Variants in CFAP45 observed in about 807,000 individuals in gnomAD.
The protein encoded by CFAP45 is cilia- and flagella-associated protein 45.
Under a neutral mutation model 75.6 loss-of-function variants are expected in CFAP45, and 43 were observed. That is an observed-to-expected ratio of 0.57 (90% CI 0.45 to 0.73). The LOEUF is 0.73. Ranked by LOEUF, CFAP45 falls within the 30% of genes least tolerant of loss-of-function variation. The probability of loss-of-function intolerance (pLI) is 0.00; values close to 1 mark genes in which losing one functional copy is unlikely to be tolerated. For missense variants in CFAP45, 689 were observed against 701.5 expected (o/e 0.98, Z 0.20); for synonymous variants, 223 against 244.6 (o/e 0.91, Z 0.82).
intron 1 of CFAP45, among the ~76,000 whole-genome samples, chr1:159,895,580 A>T (rs1469697512): frequency 6.6e-6 from 1 of 152,258 alleles, no homozygotes; most frequent in Non-Finnish European, 1.5e-5. Flanking sequence ...CACAGCCAGC[A>T]AAAGGCTTAC....
At chr1:159,898,963 G>A (rs890974904) in intron 1 of CFAP45, among the ~76,000 whole-genome samples, 1 of 152,190 alleles carries the variant, frequency 6.6e-6, no homozygotes, top group Non-Finnish European at 1.5e-5. Context: ...CCCCAGAAAA[G>A]CAATGCAGCC....
intron 10 of CFAP45, chr1:159,873,372 G>A: frequency 1.7e-6 from 1 of 596,902 alleles, no homozygotes. Context: ...ACCCAGCCAG[G>A]ACTAGCTCCA....
At chr1:159,873,999 T>C (rs1051562959) in intron 10 of CFAP45, among the ~76,000 whole-genome samples, 12 of 151,998 alleles carry the variant, frequency 7.9e-5, no homozygotes, top group African/African-American at 2.9e-4. Context: ...ATCGCTCAGT[T>C]CTCTTCCTGA....
At chr1:159,873,254 C>T (rs1322595626) in intron 10 of CFAP45, 86 bp from the exon 11 acceptor site, 2 of 1,092,330 alleles carry the variant, frequency 1.8e-6, no homozygotes, top group Non-Finnish European at 2.7e-6. Flanking sequence ...TGGGTGGGCT[C>T]CTTCAGTAGA....
chr1:159,876,473 C>A, intron 10 of CFAP45, 83 bp downstream of exon 10: 4 of 1,007,506 alleles, frequency 4.0e-6, no homozygotes, highest in Non-Finnish European at 4.6e-6. Flanking sequence ...TGTTAACATG[C>A]CAGAAAGCTT....
At chr1:159,894,572 G>A (rs983691099) in intron 1 of CFAP45, among the ~76,000 whole-genome samples, 5 of 152,156 alleles carry the variant, frequency 3.3e-5, no homozygotes, top group African/African-American at 1.2e-4. Flanking sequence ...AAGCAAACCA[G>A]TTCATAATAC....
At chr1:159,879,887 T>A (rs991956570) in intron 8 of CFAP45, among the ~76,000 whole-genome samples, 1 of 152,172 alleles carries the variant, frequency 6.6e-6, no homozygotes. Flanking sequence ...CCACCTTGAG[T>A]ACTTCCTCCT....
At chr1:159,891,359 T>G (rs1649824950) in intron 2 of CFAP45, among the ~76,000 whole-genome samples, 1 of 152,168 alleles carries the variant, frequency 6.6e-6, no homozygotes, top group African/African-American at 2.4e-5. Flanking sequence ...ATTAAATTAC[T>G]TTAACCCCCA....
At chr1:159,889,147 T>C (rs71628154) in intron 3 of CFAP45, among the ~76,000 whole-genome samples, 143 of 152,158 alleles carry the variant, frequency 9.4e-4, no homozygotes, top group Non-Finnish European at 1.6e-3. Flanking sequence ...AATTAAAATC[T>C]GTGATCAACA....
chr1:159,899,152 G>C (rs1338410425), intron 1 of CFAP45, among the ~76,000 whole-genome samples: 3 of 152,012 alleles, frequency 2.0e-5, no homozygotes, highest in Non-Finnish European at 4.4e-5. Context: ...GTTCCTCCCA[G>C]GCTTTGCTGG....
In CFAP45 at chr1:159,872,416, A is replaced by AT; in HGVS notation, c.*68dup. On this transcript the variant is annotated 3_prime_UTR_variant, in exon 12 of 12. Coordinates refer to ENST00000368099, the MANE Select transcript of CFAP45 (RefSeq NM_012337.3). ...CTATGAAATGTCTAGGTTAGCAGCA[A>AT]TTATGGATGCCCAGAGACTGGGCAG... 1 of 1,185,716 alleles carries AT rather than the reference A, an allele frequency of 8.4e-7. No homozygotes were observed. The highest frequency in any genetic ancestry group is 1.7e-5 in the Admixed American group (1 of 59,114). 73.4% of individuals were successfully genotyped at this position (1,185,716 alleles called of 1,614,324 possible).
At position 159,884,451 on chromosome 1, in the gene CFAP45, T is replaced by C; in HGVS notation, c.882A>G (p.Gln294=). The C allele has an allele frequency of 1.2e-6, 2 of 1,612,914 alleles. No individual in the cohort carries two copies. The highest frequency in any genetic ancestry group is 1.1e-5 in the South Asian group (1 of 90,710). The part of the protein sequence containing the change: ...EQMLEYMEQL[Q]EEDLKDMERR... ...GGCCTGTTACCTTTAGATCTTCCTC[T>C]TGGAGCTGTTCCATATATTCCAGCA... Residue 294 remains glutamine (Q), a synonymous_variant, in exon 7 of 12, where the codon CAA becomes CAG. Coordinates refer to ENST00000368099, the MANE Select transcript of CFAP45 (RefSeq NM_012337.3).
intron 8 of CFAP45, among the ~76,000 whole-genome samples, chr1:159,878,898 C>G (rs751316177): frequency 2.6e-5 from 4 of 151,306 alleles, no homozygotes; most frequent in Non-Finnish European, 4.4e-5. Context: ...CCCTAGATAA[C>G]AGGACAGGGA....
chr1:159,899,210 C>A (rs773618423), intron 1 of CFAP45, among the ~76,000 whole-genome samples: 1 of 152,114 alleles, frequency 6.6e-6, no homozygotes, highest in Non-Finnish European at 1.5e-5. Context: ...CCCAGCAAAC[C>A]CCAGGCTGCC....
Position 159,884,552 on chromosome 1 carries a change from T to G in CFAP45, c.781A>C (p.Ile261Leu), listed in dbSNP as rs1649630247. ...REERIRGRRQ[I>L]VEQMEKNQEE... Reference sequence around the variant, plus strand: ...TGGTTCTTTTCCATCTGTTCCACAATTTGCCGCCTTCCTCTTGGAGAGAAC... The same window carrying G: ...TGGTTCTTTTCCATCTGTTCCACAAGTTGCCGCCTTCCTCTTGGAGAGAAC... Residue 261 changes from isoleucine (I) to leucine (L), a missense_variant, in exon 7 of 12, where the codon ATT becomes CTT. By Grantham distance (5) the Ile-to-Leu change is conservative (BLOSUM62 2). Transcript: ENST00000368099. The G allele has an allele frequency of 6.2e-7, 1 of 1,613,482 alleles. No individual in the cohort carries two copies. Among genetic ancestry groups the G allele is most frequent in the African/African-American group, 1.3e-5 (1 of 74,906 alleles).
chr1:159,899,188 A>C (rs1650015105), intron 1 of CFAP45, among the ~76,000 whole-genome samples: 2 of 152,012 alleles, frequency 1.3e-5, no homozygotes, highest in South Asian at 4.1e-4. Context: ...GTACCCTGAC[A>C]GCCCTCCCCA....
chr1:159,886,831 T>C (rs531281801), intron 5 of CFAP45, 142 bp from the exon 6 acceptor site: 1 of 698,270 alleles, frequency 1.4e-6, no homozygotes, highest in Admixed American at 2.5e-5. Flanking sequence ...AAGAATGTTC[T>C]TATATTTACC....
At chr1:159,897,354 T>TG (rs1649976704) in intron 1 of CFAP45, among the ~76,000 whole-genome samples, 1 of 151,876 alleles carries the variant, frequency 6.6e-6, no homozygotes, top group Non-Finnish European at 1.5e-5. Context: ...GAGGCCAAAG[T>TG]GGGTGGATCA....
At position 159,894,894 on chromosome 1, in the gene CFAP45, C is replaced by T. The variant is rs150274168; in HGVS notation, c.4-1589G>A. Among the ~76,000 whole-genome samples the T allele has an allele frequency of 9.7e-3, 1,474 of 152,298 alleles. 10 individuals carry two copies. The highest frequency in any genetic ancestry group is 0.016 in the Non-Finnish European group (1,089 of 68,026). ...CCCAGCGTCTGGGCAACACTGATAACGATACCAGCAGCGGCACCCTATGTA... is the reference window on the plus strand; with the variant it reads ...CCCAGCGTCTGGGCAACACTGATAATGATACCAGCAGCGGCACCCTATGTA... On this transcript the variant is annotated intron_variant, in intron 1 of 11. Transcript: ENST00000368099.
Sources: gnomAD v4.1 joint callset for allele counts (sites outside exome capture counted in the v4.1 genomes callset) on GRCh38, gnomAD v4.1.1 for gene constraint, MANE v1.5 for transcripts, NCBI Gene and HGNC (gene_info 2026-07-23, HGNC 2026-07-21) for gene names.